Variants in ACVR1C observed in about 807,000 individuals in gnomAD.
The protein encoded by ACVR1C is activin receptor type-1C.
Under a neutral mutation model 57.9 loss-of-function variants are expected in ACVR1C, and 23 were observed. The observed-to-expected ratio is 0.40, with a 90% CI of 0.29 to 0.56. The LOEUF (loss-of-function observed/expected upper bound fraction) is 0.56, where lower values mean the gene tolerates loss of function less well. ACVR1C is among the 20% of genes least tolerant of loss of function. ACVR1C has a pLI of 0.50. For synonymous variants in ACVR1C, 214 were observed against 215.3 expected (o/e 0.99, Z 0.05); for missense variants, 480 against 607.9 (o/e 0.79, Z 2.21).
In ACVR1C at chr2:157,628,586, G is replaced by A. The variant is rs764820571; in HGVS notation, c.59C>T (p.Ala20Val). 16 of 1,607,354 alleles carry A rather than the reference G, an allele frequency of 1.0e-5. No individual in the cohort carries two copies. The South Asian group carries it at 1.6e-4, about 16-fold the overall frequency. The part of the protein sequence containing the change: ...RQALLLLAAA[A>V]ELSPGLKCVC... ...CAGCACCGTACCTGGCGAGAGCTCG[G>A]CGGCCGCTGCGAGCAGCAGGAGAGC... Residue 20 changes from alanine (A) to valine (V), a missense_variant, in exon 1 of 9, where the codon GCC (alanine) becomes GTC (valine). Coordinates refer to ENST00000243349, the MANE Select transcript of ACVR1C (RefSeq NM_145259.3).
At chr2:157,592,742 T>C (rs1689075312) in intron 1 of ACVR1C, among the ~76,000 whole-genome samples, 1 of 152,128 alleles carries the variant, frequency 6.6e-6, no homozygotes, top group South Asian at 2.1e-4. Flanking sequence ...AATTACAATA[T>C]AAGTTGCCAT....
chr2:157,596,490 A>C (rs1682119960), intron 1 of ACVR1C, among the ~76,000 whole-genome samples: 1 of 152,226 alleles, frequency 6.6e-6, no homozygotes, highest in East Asian at 1.9e-4. Flanking sequence ...GTTTTACACT[A>C]GATATGCATA....
intron 3 of ACVR1C, among the ~76,000 whole-genome samples, chr2:157,552,235 C>T (rs775731156): frequency 1.3e-5 from 2 of 152,196 alleles, no homozygotes; most frequent in Non-Finnish European, 2.9e-5. Context: ...CAGGTTCAAG[C>T]GATTCTCCCA....
chr2:157,588,545 G>A (rs1688981112), intron 1 of ACVR1C, among the ~76,000 whole-genome samples: 1 of 151,580 alleles, frequency 6.6e-6, no homozygotes, highest in Non-Finnish European at 1.5e-5. Context: ...CCCAAATGGT[G>A]TACATTGTAC....
chr2:157,589,505 T>C (rs982699245), intron 1 of ACVR1C, among the ~76,000 whole-genome samples: 6 of 151,910 alleles, frequency 3.9e-5, no homozygotes, highest in African/African-American at 1.4e-4. Flanking sequence ...CTGTTAATTA[T>C]TTCTTTGGTT....
At chr2:157,592,969 T>C (rs144350266) in intron 1 of ACVR1C, among the ~76,000 whole-genome samples, 7 of 152,238 alleles carry the variant, frequency 4.6e-5, no homozygotes, top group African/African-American at 1.7e-4. Context: ...TTACCCATAA[T>C]AAGGAGGTTT....
chr2:157,582,025 G>T (rs759779065), intron 2 of ACVR1C, among the ~76,000 whole-genome samples: 1 of 152,134 alleles, frequency 6.6e-6, no homozygotes, highest in Non-Finnish European at 1.5e-5. Context: ...CAAATAAAAA[G>T]GTTTGCATCT....
chr2:157,594,952 G>A (rs1319208549), intron 1 of ACVR1C, among the ~76,000 whole-genome samples: 1 of 152,154 alleles, frequency 6.6e-6, no homozygotes, highest in African/African-American at 2.4e-5. Context: ...ATGTCATAAA[G>A]CTTTTAGTGC....
intron 1 of ACVR1C, among the ~76,000 whole-genome samples, chr2:157,603,176 C>T (rs557826154): frequency 3.3e-5 from 5 of 152,308 alleles, no homozygotes; most frequent in Admixed American, 3.3e-4. Context: ...AATTCAGATA[C>T]ATCATCATCA....
At chr2:157,559,960 G>A (rs1688197994) in intron 2 of ACVR1C, among the ~76,000 whole-genome samples, 1 of 151,784 alleles carries the variant, frequency 6.6e-6, no homozygotes, top group Admixed American at 6.6e-5. Flanking sequence ...AGGAGGCAGG[G>A]AGGGAAGGAA....
intron 3 of ACVR1C, among the ~76,000 whole-genome samples, chr2:157,554,228 A>G (rs1018873421): frequency 9.2e-5 from 12 of 130,050 alleles, no homozygotes; most frequent in Admixed American, 2.9e-4. Flanking sequence ...AGAAAGAAAG[A>G]AAGAAAGAAA....
chr2:157,538,460 G>C (rs73968457), intron 8 of ACVR1C, 113 bp downstream of exon 8: 1 of 1,018,592 alleles, frequency 9.8e-7, no homozygotes, highest in East Asian at 2.9e-5. Context: ...ATAAAAAGAC[G>C]TATGTCTACA....
chr2:157,589,047 C>T (rs890297604), intron 1 of ACVR1C, among the ~76,000 whole-genome samples: 3 of 151,200 alleles, frequency 2.0e-5, no homozygotes, highest in Admixed American at 2.0e-4. Context: ...TTTTTGACAC[C>T]CAATTGTGGG....
At chr2:157,554,272 G>GAAAGAAAGAAAGGAAGAAAGA in intron 3 of ACVR1C, among the ~76,000 whole-genome samples, 1 of 47,594 alleles carries the variant, frequency 2.1e-5, no homozygotes, top group East Asian at 8.8e-4. Flanking sequence ...AGAAAGAAAG[G>GAAAGAAAGAAAGGAAGAAAGA]AAGGAAGGAA....
chr2:157,587,963 A>G (rs540777552), intron 1 of ACVR1C, among the ~76,000 whole-genome samples: 1 of 152,140 alleles, frequency 6.6e-6, no homozygotes, highest in South Asian at 2.1e-4. Flanking sequence ...ATTTTCTGTG[A>G]CACTTTAACA....
At chr2:157,587,982 A>G (rs1688967933) in intron 1 of ACVR1C, among the ~76,000 whole-genome samples, 1 of 151,988 alleles carries the variant, frequency 6.6e-6, no homozygotes, top group Non-Finnish European at 1.5e-5. Flanking sequence ...CACAATTGTT[A>G]TTGTCGTAGT....
chr2:157,601,116 G>A (rs1479574709), intron 1 of ACVR1C, among the ~76,000 whole-genome samples: 3 of 152,034 alleles, frequency 2.0e-5, no homozygotes, highest in Admixed American at 6.5e-5. Context: ...TCAGGAGTTC[G>A]AGACCAGCCT....
At chr2:157,562,077 A>G (rs1688243244) in intron 2 of ACVR1C, among the ~76,000 whole-genome samples, 1 of 152,112 alleles carries the variant, frequency 6.6e-6, no homozygotes, top group Admixed American at 6.6e-5. Flanking sequence ...TGGGCGGATC[A>G]TGAGGTAAAG....
rs556170794 is a variant in ACVR1C, at chr2:157,597,452, C to T, written c.74-10035G>A. 3.0e-6 allele frequency: 3 copies of T among 985,454 alleles called. No individual in the cohort carries two copies. In the East Asian group the frequency reaches 3.4e-4, roughly 112 times the overall value. The allele number at this position is 985,454 out of a possible 1,614,324, so 61.0% of individuals were successfully genotyped here. ...CGCCTGATGAATTTGCGAAGGGACA[C>T]CCTGCGGTCGCCGGGATGCCCCAGC... is the stretch of plus-strand genomic sequence containing the variant. On this transcript the variant is annotated intron_variant, in intron 1 of 8. Transcript: ENST00000243349.
Sources: gnomAD v4.1 joint callset for allele counts (sites outside exome capture counted in the v4.1 genomes callset) on GRCh38, gnomAD v4.1.1 for gene constraint, MANE v1.5 for transcripts, NCBI Gene and HGNC (gene_info 2026-07-23, HGNC 2026-07-21) for gene names.